Variants in LSAMP observed in about 807,000 individuals in gnomAD.
LSAMP encodes limbic system-associated membrane protein.
In LSAMP, 7 loss-of-function variants were observed where a neutral mutation model predicts 38.6. The observed-to-expected ratio is 0.18, with a 90% CI of 0.10 to 0.34. LSAMP has a LOEUF of 0.34. Ranked by LOEUF, LSAMP falls within the 10% of genes least tolerant of loss-of-function variation. The probability of loss-of-function intolerance (pLI) is 1.00; values close to 1 mark genes in which losing one functional copy is unlikely to be tolerated. For synonymous variants in LSAMP, 154 were observed against 166.8 expected, an observed-to-expected ratio of 0.92 and a Z score of 0.59; for missense variants, 313 against 420.0, an observed-to-expected ratio of 0.75 and a Z score of 2.23.
intron 1 of LSAMP, among the ~76,000 whole-genome samples, chr3:116,299,604 G>C (rs914729941): frequency 6.6e-6 from 1 of 152,054 alleles, no homozygotes; most frequent in Non-Finnish European, 1.5e-5. Flanking sequence ...AGATGGTTTC[G>C]AGACTCTGAA....
chr3:116,352,698 T>C (rs2048158827), intron 1 of LSAMP, among the ~76,000 whole-genome samples: 1 of 152,162 alleles, frequency 6.6e-6, no homozygotes, highest in Non-Finnish European at 1.5e-5. Context: ...AAAAACATGC[T>C]TTTGTTTAAA....
chr3:116,060,196 T>C (rs1354559264), intron 2 of LSAMP, among the ~76,000 whole-genome samples: 1 of 120,364 alleles, frequency 8.3e-6, no homozygotes, highest in Admixed American at 8.8e-5. Flanking sequence ...TAAAGCAACA[T>C]AGTTTTTTTT....
chr3:115,900,215 A>G (rs1414650901), intron 3 of LSAMP, among the ~76,000 whole-genome samples: 2 of 152,148 alleles, frequency 1.3e-5, no homozygotes, highest in African/African-American at 4.8e-5. Flanking sequence ...GCTTCATTTA[A>G]GTTTAAATTG....
At chr3:116,169,566 GA>G in intron 1 of LSAMP, among the ~76,000 whole-genome samples, 1 of 152,260 alleles carries the variant, frequency 6.6e-6, no homozygotes, top group South Asian at 2.1e-4. Flanking sequence ...ACTGTGTTCA[GA>G]AGGTCCAAAG....
intron 1 of LSAMP, among the ~76,000 whole-genome samples, chr3:116,347,632 A>G (rs1041636503): frequency 1.3e-5 from 2 of 152,142 alleles, no homozygotes; most frequent in Non-Finnish European, 2.9e-5. Context: ...TAGAATAACT[A>G]TGAGGCAGAA....
intron 6 of LSAMP, among the ~76,000 whole-genome samples, chr3:115,814,830 G>C (rs1045281762): frequency 5.9e-5 from 9 of 152,042 alleles, no homozygotes; most frequent in African/African-American, 2.2e-4. Flanking sequence ...TAAAATACTT[G>C]TTTAACAAAG....
chr3:116,035,748 G>A lies in LSAMP; in HGVS notation c.389-16108C>T, dbSNP rs113564105. Among the ~76,000 whole-genome samples, 1,453 of 152,240 alleles carry A rather than the reference G, an allele frequency of 9.5e-3. 27 individuals are homozygous for A. The highest frequency in any genetic ancestry group is 0.032 in the African/African-American group (1,316 of 41,546). On this transcript the variant is annotated intron_variant, in intron 2 of 6. Transcript: ENST00000490035. ...GCTTCCTGGAAAAATGAATGTGTGT[G>A]CTCTTAACTTTCAATGTGCTTCTGA...
intron 1 of LSAMP, among the ~76,000 whole-genome samples, chr3:116,187,401 C>A (rs550698504): frequency 6.6e-6 from 1 of 152,224 alleles, no homozygotes; most frequent in Non-Finnish European, 1.5e-5. Flanking sequence ...CTTTTCAATA[C>A]TAGCTATCTC....
intron 4 of LSAMP, among the ~76,000 whole-genome samples, chr3:115,850,999 G>A (rs180785447): frequency 6.6e-6 from 1 of 152,194 alleles, no homozygotes; most frequent in East Asian, 1.9e-4. Context: ...TTGAGACAGA[G>A]TTTCACTCTT....
chr3:116,150,449 T>TTA (rs1228815164), intron 1 of LSAMP, among the ~76,000 whole-genome samples: 1 of 151,966 alleles, frequency 6.6e-6, no homozygotes, highest in African/African-American at 2.4e-5. Flanking sequence ...GAATAGGGGG[T>TTA]TATGATTGTG....
intron 3 of LSAMP, among the ~76,000 whole-genome samples, chr3:115,942,850 A>G (rs927101693): frequency 1.3e-5 from 2 of 152,126 alleles, no homozygotes; most frequent in Non-Finnish European, 1.5e-5. Flanking sequence ...GACGGTGAAA[A>G]CAGAATCATG....
chr3:115,929,010 T>G (rs1195188354), intron 3 of LSAMP, among the ~76,000 whole-genome samples: 1 of 137,072 alleles, frequency 7.3e-6, no homozygotes, highest in Non-Finnish European at 1.5e-5. Context: ...ATGGGGCTAG[T>G]TAGGTAGCGC....
intron 6 of LSAMP, among the ~76,000 whole-genome samples, chr3:115,814,776 G>T (rs1024238173): frequency 4.6e-5 from 7 of 152,128 alleles, no homozygotes; most frequent in Non-Finnish European, 1.0e-4. Context: ...ATTATTAAGG[G>T]CTGATTGAGT....
chr3:116,089,644 A>T (rs1708074222), intron 1 of LSAMP, among the ~76,000 whole-genome samples: 1 of 152,202 alleles, frequency 6.6e-6, no homozygotes. Context: ...GGCGTGAGCC[A>T]CCGTGCCCGG....
intron 4 of LSAMP, among the ~76,000 whole-genome samples, chr3:115,851,986 C>T (rs1440370166): frequency 1.3e-5 from 2 of 152,192 alleles, no homozygotes; most frequent in African/African-American, 4.8e-5. Context: ...ATCAGACATT[C>T]CTGTTAGCCA....
At chr3:116,211,016 A>G (rs565595673) in intron 1 of LSAMP, among the ~76,000 whole-genome samples, 2 of 152,090 alleles carry the variant, frequency 1.3e-5, no homozygotes, top group South Asian at 2.1e-4. Flanking sequence ...AAAAAAAAAC[A>G]AAAACAAATC....
At chr3:116,022,730 C>T (rs1345638913) in intron 2 of LSAMP, among the ~76,000 whole-genome samples, 7 of 152,114 alleles carry the variant, frequency 4.6e-5, no homozygotes, top group African/African-American at 9.7e-5. Context: ...ATACATTCAT[C>T]GAAGGATCTT....
intron 1 of LSAMP, among the ~76,000 whole-genome samples, chr3:116,127,919 T>C (rs1009481365): frequency 6.6e-6 from 1 of 152,282 alleles, no homozygotes; most frequent in Non-Finnish European, 1.5e-5. Context: ...TTAGCATTTC[T>C]AGTAGAAGTT....
At chr3:115,844,777 G>T in intron 4 of LSAMP, among the ~76,000 whole-genome samples, 1 of 152,140 alleles carries the variant, frequency 6.6e-6, no homozygotes, top group South Asian at 2.1e-4. Flanking sequence ...AGGAGTTTGA[G>T]ACCAGCCTGG....
Sources: allele counts gnomAD v4.1 joint callset (sites outside exome capture counted in the v4.1 genomes callset), GRCh38; gene constraint gnomAD v4.1.1; transcripts MANE v1.5; gene names NCBI Gene and HGNC (gene_info 2026-07-23, HGNC 2026-07-21).